Variants in ATRNL1 observed in about 807,000 individuals in gnomAD.
The protein encoded by ATRNL1 is attractin-like protein 1.
In ATRNL1, 95 loss-of-function variants were observed where a neutral mutation model predicts 182.7. The ratio of observed to expected loss-of-function variants is 0.52; its 90% CI spans 0.44 to 0.62. The LOEUF is 0.62. Ranked by LOEUF, ATRNL1 falls within the 20% of genes least tolerant of loss-of-function variation. ATRNL1 has a pLI of 0.00. For missense variants in ATRNL1, 1,471 were observed against 1,679.5 expected (o/e 0.88, Z 2.17); for synonymous variants, 576 against 568.3 (o/e 1.01, Z -0.19).
chr10:115,919,783 T>C (rs1241873560), intron 28 of ATRNL1, among the ~76,000 whole-genome samples: 3 of 152,150 alleles, frequency 2.0e-5, no homozygotes, highest in Non-Finnish European at 4.4e-5. Context: ...CTAGAAGATT[T>C]GGTGACTGGT....
chr10:115,502,936 C>T (rs189472849), intron 24 of ATRNL1, among the ~76,000 whole-genome samples: 10 of 152,194 alleles, frequency 6.6e-5, no homozygotes, highest in African/African-American at 9.6e-5. Context: ...ACCTCCTCTG[C>T]GATAGTTTTT....
chr10:115,783,868 C>T (rs1403259226), intron 27 of ATRNL1, among the ~76,000 whole-genome samples: 1 of 152,098 alleles, frequency 6.6e-6, no homozygotes, highest in East Asian at 1.9e-4. Flanking sequence ...CAAAAATTAG[C>T]CAGGCGTGGT....
rs552315147 is a variant in ATRNL1 at position 115,388,604 on chromosome 10, T to C, written c.3176-6055T>C. ...AAAATAGATAAGTTAAGCCTATTCATCTTCATTGTTATTATTGATAGGTTA... is the reference window on the plus strand; with the variant it reads ...AAAATAGATAAGTTAAGCCTATTCACCTTCATTGTTATTATTGATAGGTTA... On this transcript the variant is annotated intron_variant, in intron 19 of 28. Coordinates refer to ENST00000355044, the MANE Select transcript of ATRNL1 (RefSeq NM_207303.4). 3.9e-5 allele frequency among the ~76,000 whole-genome samples: 6 copies of C among 152,158 alleles called. No homozygotes were observed. In the South Asian group the frequency reaches 1.2e-3, roughly 31 times the overall value.
chr10:115,567,442 A>C (rs1158730296), intron 26 of ATRNL1, among the ~76,000 whole-genome samples: 1 of 152,126 alleles, frequency 6.6e-6, no homozygotes, highest in Non-Finnish European at 1.5e-5. Flanking sequence ...TGCCTAATGA[A>C]AACTTTTCCA....
intron 28 of ATRNL1, among the ~76,000 whole-genome samples, chr10:115,886,539 A>G (rs906321958): frequency 6.6e-6 from 1 of 152,140 alleles, no homozygotes; most frequent in African/African-American, 2.4e-5. Context: ...ACAAGAACAA[A>G]AACATTAGTA....
chr10:115,117,892 T>C (rs895797282), intron 1 of ATRNL1, among the ~76,000 whole-genome samples: 24 of 152,174 alleles, frequency 1.6e-4, no homozygotes, highest in African/African-American at 5.8e-4. Flanking sequence ...ATATAAGCCA[T>C]TTTAACTGGG....
At chr10:115,302,163 G>T in intron 17 of ATRNL1, 120 bp downstream of exon 17, 1 of 1,007,946 alleles carries the variant, frequency 9.9e-7, no homozygotes. Context: ...TATTGTTACG[G>T]CTACTTTTGA....
At position 115,093,441 on chromosome 10, in the gene ATRNL1, G is replaced by A. The variant is rs1305324860; in HGVS notation, c.-310G>A. 21 of 480,390 alleles carry A rather than the reference G, an allele frequency of 4.4e-5. No homozygotes were observed. Among genetic ancestry groups the A allele is most frequent in the Admixed American group, 9.2e-5 (3 of 32,514 alleles). The allele number at this position is 480,390 out of a possible 1,614,324, so 29.8% of individuals were successfully genotyped here. ...CTGCCGGTCAGGTCCCCTCAGGAGC[G>A]CCGGGCGCAGTCTGCGCCTCCCGCT... is the stretch of plus-strand genomic sequence containing the variant. On this transcript the variant is annotated 5_prime_UTR_variant, in exon 1 of 29. Transcript: ENST00000355044. This position sits in a 1 kb window ranked among gnomAD's most constrained non-coding sequence, Gnocchi z 6.1.
intron 20 of ATRNL1, among the ~76,000 whole-genome samples, chr10:115,407,985 CTTTTTTTTTTTTTTTTT>C (rs71010022): frequency 5.6e-4 from 55 of 97,786 alleles, no homozygotes; most frequent in Non-Finnish European, 7.2e-4. Context: ...ATTTGCATTT[CTTTTTTTTTTTTTTTTT>C]TTTTTTTTTT....
intron 19 of ATRNL1, among the ~76,000 whole-genome samples, chr10:115,347,444 T>G (rs868922744): frequency 2.8e-4 from 42 of 152,288 alleles, no homozygotes; most frequent in South Asian, 1.0e-3. Flanking sequence ...TAGTAATGTC[T>G]AAAATCAATT....
chr10:115,209,562 C>T (rs1165457989), intron 8 of ATRNL1, among the ~76,000 whole-genome samples: 1 of 150,610 alleles, frequency 6.6e-6, no homozygotes, highest in Non-Finnish European at 1.5e-5. Context: ...TGAGTTAGTT[C>T]ATGTATTCAT....
At chr10:115,694,797 G>T (rs77509192) in intron 26 of ATRNL1, among the ~76,000 whole-genome samples, 3,937 of 151,964 alleles carry the variant, frequency 0.026, 146 homozygotes, top group African/African-American at 0.087. Flanking sequence ...CTAAATAAAA[G>T]ATTCACTTTT....
chr10:115,441,358 C>T (rs1846670679), intron 21 of ATRNL1, among the ~76,000 whole-genome samples: 1 of 151,880 alleles, frequency 6.6e-6, no homozygotes. Flanking sequence ...GTCACCAAAT[C>T]CTTACCACCC....
chr10:115,711,819 T>G (rs933876188), intron 26 of ATRNL1, among the ~76,000 whole-genome samples: 2 of 152,198 alleles, frequency 1.3e-5, no homozygotes, highest in Non-Finnish European at 2.9e-5. Flanking sequence ...TAAATAACTC[T>G]AATACTAGAA....
chr10:115,345,205 C>G (rs372876436), intron 19 of ATRNL1, among the ~76,000 whole-genome samples: 1 of 152,198 alleles, frequency 6.6e-6, no homozygotes, highest in African/African-American at 2.4e-5. Flanking sequence ...GCCCAGACTG[C>G]CTTTCAACTT....
intron 5 of ATRNL1, among the ~76,000 whole-genome samples, chr10:115,145,205 G>A (rs1845920572): frequency 6.6e-6 from 1 of 152,130 alleles, no homozygotes; most frequent in African/African-American, 2.4e-5. Flanking sequence ...TGTGGTGCAA[G>A]GGTTATATAA....
At position 115,728,065 on chromosome 10, in the gene ATRNL1, G is replaced by A. The variant is rs548580324; in HGVS notation, c.3903+710G>A. Among the ~76,000 whole-genome samples the A allele has an allele frequency of 3.4e-5, 5 of 146,314 alleles. No individual in the cohort carries two copies. In the South Asian group the frequency reaches 8.7e-4, roughly 25 times the overall value. On this transcript the variant is annotated intron_variant, in intron 27 of 28. Coordinates refer to ENST00000355044, the MANE Select transcript of ATRNL1 (RefSeq NM_207303.4). ...CCAAGGTGGGCAGATCACGAGGTCA[G>A]GAGATCGCGACCATCCTGGCTAACA...
chr10:115,853,265 A>T (rs115907348), intron 28 of ATRNL1, among the ~76,000 whole-genome samples: 163 of 152,344 alleles, frequency 1.1e-3, no homozygotes, highest in African/African-American at 3.8e-3. Context: ...GTGACTAAAA[A>T]TAATTAGCAT....
intron 26 of ATRNL1, among the ~76,000 whole-genome samples, chr10:115,671,118 G>A (rs987699578): frequency 3.3e-5 from 5 of 152,234 alleles, no homozygotes; most frequent in South Asian, 2.1e-4. Context: ...CTGTGTGGTC[G>A]TGAAACACAG....
Sources: gnomAD v4.1 joint callset for allele counts (sites outside exome capture counted in the v4.1 genomes callset) on GRCh38, gnomAD v4.1.1 for gene constraint, Gnocchi (gnomAD v3.1) non-coding constraint, MANE v1.5 for transcripts, NCBI Gene and HGNC (gene_info 2026-07-23, HGNC 2026-07-21) for gene names.